The following THAP2 variants were observed in gnomAD, a reference collection of about 807,000 sequenced individuals.
THAP2 encodes the protein THAP domain-containing protein 2.
Under a neutral mutation model 18.8 loss-of-function variants are expected in THAP2, and 16 were observed. The observed-to-expected ratio is 0.85, with a 90% CI of 0.58 to 1.29. The LOEUF is 1.29. Among genes scored for constraint, THAP2 ranks in the 50% most tolerant of loss-of-function variants. The pLI, the probability that THAP2 is intolerant of heterozygous loss-of-function variation, is 0.00. For synonymous variants in THAP2, 80 were observed against 89.2 expected, an observed-to-expected ratio of 0.90 and a Z score of 0.58; for missense variants, 251 against 265.3, an observed-to-expected ratio of 0.95 and a Z score of 0.38.
At chr12:71,674,488 TG>T in intron 2 of THAP2, 90 bp downstream of exon 2, 4 of 1,291,382 alleles carry the variant, frequency 3.1e-6, no homozygotes, top group Non-Finnish European at 4.2e-6. Flanking sequence ...TCATTTATAG[TG>T]ATATGCCTCA....
At position 71,676,698 on chromosome 12, in the gene THAP2, T is replaced by G. The variant is rs1881524783; in HGVS notation, c.277T>G (p.Ser93Ala). The change falls in exon 3 of 3, where the codon TCA becomes GCA. Residue 93 changes from serine (S) to alanine (A), a missense_variant. Coordinates refer to ENST00000308086, the MANE Select transcript of THAP2 (RefSeq NM_031435.4). ...ATTTTATTCGGCTCAGAAACTCAAG[T>G]CAAGGAATCTTTTGAAGAAAAACAA... is the stretch of plus-strand genomic sequence containing the variant. ...CTHIKSMKLKSRNLLKKNNSC... is the reference protein window; with the variant it reads ...CTHIKSMKLKARNLLKKNNSC... 1 of 1,575,480 alleles carries G rather than the reference T, an allele frequency of 6.3e-7. No homozygotes were observed. The highest frequency in any genetic ancestry group is 8.6e-7 in the Non-Finnish European group (1 of 1,164,534).
At chr12:71,675,273 G>T (rs1440844799) in intron 2 of THAP2, among the ~76,000 whole-genome samples, 1 of 152,060 alleles carries the variant, frequency 6.6e-6, no homozygotes, top group Non-Finnish European at 1.5e-5. Context: ...TGGAGACGAG[G>T]TTGTGGTAAG....
intron 2 of THAP2, among the ~76,000 whole-genome samples, 177 bp downstream of exon 2, chr12:71,674,575 T>C (rs1881493970): frequency 6.6e-6 from 1 of 152,118 alleles, no homozygotes; most frequent in East Asian, 1.9e-4. Flanking sequence ...GACTCCAATA[T>C]TCTTTCCCCA....
chr12:71,664,993 G>A (rs1326601382), intron 1 of THAP2: 2 of 702,026 alleles, frequency 2.8e-6, no homozygotes, highest in Non-Finnish European at 5.2e-6. Context: ...TGACATGGGA[G>A]GCATTTAGAT....
rs1300232764 is a variant in THAP2, at chr12:71,679,349, A to G, written c.*2241A>G. 1 of 152,136 alleles carries G rather than the reference A, an allele frequency of 6.6e-6. No homozygotes were observed. Among genetic ancestry groups the G allele is most frequent in the Non-Finnish European group, 1.5e-5 (1 of 67,992 alleles). The allele number at this position is 152,136 out of a possible 1,614,324, so 9.4% of individuals were successfully genotyped here. A position where few individuals can be genotyped will look rare whatever the true frequency, so the allele number is the denominator to read the frequency against. ...CAACATGCTCCAAACTCTTTGCATC[A>G]AATTGTTTTATTAACATACATTTGT... On this transcript the variant is annotated 3_prime_UTR_variant, in exon 3 of 3. Transcript: ENST00000308086.
rs1881574154 is a variant in THAP2, at chr12:71,679,848, A to G, written c.*2740A>G. Reference sequence around the variant, plus strand: ...GACTTAGCAAAGGAGGTACAAGGACATTGGCATTTGACCTGAATTATGGTG... The same window carrying G: ...GACTTAGCAAAGGAGGTACAAGGACGTTGGCATTTGACCTGAATTATGGTG... On this transcript the variant is annotated 3_prime_UTR_variant, in exon 3 of 3. Coordinates refer to ENST00000308086, the MANE Select transcript of THAP2 (RefSeq NM_031435.4). 1 of 152,200 alleles carries G rather than the reference A, an allele frequency of 6.6e-6. No individual in the cohort carries two copies. 9.4% of individuals were successfully genotyped at this position (152,200 alleles called of 1,614,324 possible).
At position 71,679,844 on chromosome 12, in the gene THAP2, G is replaced by A. The variant is rs1026256578; in HGVS notation, c.*2736G>A. ...TATTGACTTAGCAAAGGAGGTACAAGGACATTGGCATTTGACCTGAATTAT... is the reference window on the plus strand; with the variant it reads ...TATTGACTTAGCAAAGGAGGTACAAAGACATTGGCATTTGACCTGAATTAT... On this transcript the variant is annotated 3_prime_UTR_variant, in exon 3 of 3. Transcript: ENST00000308086. 8.5e-5 allele frequency: 13 copies of A among 152,098 alleles called. No individual in the cohort carries two copies. The highest frequency in any genetic ancestry group is 8.5e-4 in the Admixed American group (13 of 15,274). The allele number at this position is 152,098 out of a possible 1,614,324, so 9.4% of individuals were successfully genotyped here.
intron 1 of THAP2, among the ~76,000 whole-genome samples, chr12:71,673,128 T>C (rs1565841829): frequency 6.6e-6 from 1 of 152,182 alleles, no homozygotes. Context: ...CCATGTATGG[T>C]CTCTGTAAAT....
intron 1 of THAP2, among the ~76,000 whole-genome samples, chr12:71,672,439 A>T (rs1284425935): frequency 6.6e-6 from 1 of 152,164 alleles, no homozygotes; most frequent in Non-Finnish European, 1.5e-5. Context: ...AGTTCTGTAT[A>T]AACTCTAATA....
In THAP2 at chr12:71,664,543, A is replaced by G. The variant is rs770798319; in HGVS notation, c.34A>G (p.Thr12Ala). The change falls in exon 1 of 3, where the codon ACT (threonine) becomes GCT (alanine). Residue 12 changes from threonine to alanine, a missense_variant. Coordinates refer to ENST00000308086, the MANE Select transcript of THAP2 (RefSeq NM_031435.4). The stretch of plus-strand genomic sequence containing the variant: ...CAATTGCGCTGCGGCGGGCTGTGCC[A>G]CTACCTACAACAAGCACATTAACAT... ...PTNCAAAGCA[T>A]TYNKHINISF... The G allele has an allele frequency of 6.8e-6, 11 of 1,614,176 alleles. No homozygotes were observed. In the East Asian group the frequency reaches 2.0e-4, roughly 29 times the overall value.
At chr12:71,664,696 G>A (rs1881298013) in intron 1 of THAP2, 116 bp downstream of exon 1, 5 of 1,167,494 alleles carry the variant, frequency 4.3e-6, no homozygotes, top group African/African-American at 1.5e-5. Flanking sequence ...GCTGGTAGCA[G>A]GGAAGCATCG....
At position 71,679,768 on chromosome 12, in the gene THAP2, C is replaced by T. The variant is rs539205814; in HGVS notation, c.*2660C>T. On this transcript the variant is annotated 3_prime_UTR_variant, in exon 3 of 3. Transcript: ENST00000308086. ...TTCAGTAAGAACTATAAACTGTAGA[C>T]CTTTTTATAATCAAATGCTTTTGTC... The T allele has an allele frequency of 3.9e-5, 6 of 152,228 alleles. No individual in the cohort carries two copies. Among genetic ancestry groups the T allele is most frequent in the African/African-American group, 1.2e-4 (5 of 41,544 alleles). The allele number at this position is 152,228 out of a possible 1,614,324, so 9.4% of individuals were successfully genotyped here. A position where few individuals can be genotyped will look rare whatever the true frequency, so the allele number is the denominator to read the frequency against.
chr12:71,675,056 C>T (rs1231343374), intron 2 of THAP2, among the ~76,000 whole-genome samples: 2 of 151,450 alleles, frequency 1.3e-5, no homozygotes, highest in Non-Finnish European at 2.9e-5. Context: ...TGAATTAAAA[C>T]AATGTTTTAT....
chr12:71,670,245 G>A (rs759083308), intron 1 of THAP2, among the ~76,000 whole-genome samples: 19 of 152,160 alleles, frequency 1.2e-4, no homozygotes, highest in Admixed American at 6.5e-4. Context: ...CTTGGATTTT[G>A]TGGTTCTTTT....
At chr12:71,672,196 T>G (rs1006297042) in intron 1 of THAP2, among the ~76,000 whole-genome samples, 1 of 152,184 alleles carries the variant, frequency 6.6e-6, no homozygotes, top group Non-Finnish European at 1.5e-5. Context: ...AAGGGCACTT[T>G]TGCCTGCATC....
Position 71,676,948 on chromosome 12 carries a change from T to G in THAP2, c.527T>G (p.Leu176Ter). The G allele has an allele frequency of 1.2e-6, 2 of 1,613,768 alleles. No individual in the cohort carries two copies. The highest frequency in any genetic ancestry group is 1.7e-6 in the Non-Finnish European group (2 of 1,179,718). Residue 176 changes from leucine to a stop codon, truncating the protein, a stop_gained, in exon 3 of 3, where the codon TTA (leucine) becomes TGA (stop). Transcript: ENST00000308086. LOFTEE classifies it high-confidence loss of function. ...WIKATCLVKNLEANSVLPKGT... is the reference protein window; with the variant it reads ...WIKATCLVKN ...AAAGCCACGTGTTTGGTAAAGAATT[T>G]AGAAGCAAATAGTGTATTACCTAAA...
At position 71,679,260 on chromosome 12, in the gene THAP2, T is replaced by C. The variant is rs978670982; in HGVS notation, c.*2152T>C. On this transcript the variant is annotated 3_prime_UTR_variant, in exon 3 of 3. Transcript: ENST00000308086. Reference sequence around the variant, plus strand: ...TTATTACCTGACAGTATTAAACTACTACTCAATAATTTTAGAGTAAACTTT... The same window carrying C: ...TTATTACCTGACAGTATTAAACTACCACTCAATAATTTTAGAGTAAACTTT... 5 of 152,218 alleles carry C rather than the reference T, an allele frequency of 3.3e-5. No homozygotes were observed. The highest frequency in any genetic ancestry group is 1.2e-4 in the African/African-American group (5 of 41,464). 9.4% of individuals were successfully genotyped at this position (152,218 alleles called of 1,614,324 possible).
intron 1 of THAP2, among the ~76,000 whole-genome samples, chr12:71,666,723 AG>A (rs1439229996): frequency 6.6e-6 from 1 of 152,082 alleles, no homozygotes; most frequent in Admixed American, 6.6e-5. Flanking sequence ...GGACATTAGT[AG>A]ACTTTTTTTT....
intron 1 of THAP2, among the ~76,000 whole-genome samples, chr12:71,669,164 G>A (rs1311764802): frequency 6.6e-6 from 1 of 152,196 alleles, no homozygotes; most frequent in African/African-American, 2.4e-5. Context: ...CAGGGACAAA[G>A]CAGTGAAAAA....
Sources: allele counts gnomAD v4.1 joint callset (sites outside exome capture counted in the v4.1 genomes callset), GRCh38; gene constraint gnomAD v4.1.1; transcripts MANE v1.5; gene names NCBI Gene and HGNC (gene_info 2026-07-23, HGNC 2026-07-21).